DMD: variants seen among roughly 807,000 people sequenced by gnomAD.
DMD encodes the protein dystrophin.
Under a neutral mutation model 330.1 loss-of-function variants are expected in DMD, and 63 were observed. The ratio of observed to expected loss-of-function variants is 0.19; its 90% CI spans 0.16 to 0.24. DMD has a LOEUF of 0.24. Among genes scored for constraint, DMD ranks in the 10% least tolerant of loss-of-function variants. The probability of loss-of-function intolerance (pLI) is 1.00; values close to 1 mark genes in which losing one functional copy is unlikely to be tolerated. For missense variants in DMD, 3,344 were observed against 2,684.1 expected (o/e 1.25, Z -5.43); for synonymous variants, 1,223 against 959.8 (o/e 1.27, Z -5.07).
chrX:32,280,625 A>G (rs2097417311), intron 43 of DMD, among the ~76,000 whole-genome samples: 1 of 111,635 alleles, frequency 9.0e-6, no homozygotes. Context: ...TACATATGGC[A>G]TTGTGACAAA....
intron 9 of DMD, among the ~76,000 whole-genome samples, chrX:32,672,502 A>T (rs747112197): frequency 9.0e-6 from 1 of 111,009 alleles, no homozygotes; most frequent in African/African-American, 3.3e-5. Flanking sequence ...CATCCTTATG[A>T]AGGAATCTTG....
chrX:31,295,983 CT>C (rs150166970), intron 62 of DMD, among the ~76,000 whole-genome samples: 2,428 of 92,857 alleles, frequency 0.026, 95 homozygotes, highest in African/African-American at 0.087. Flanking sequence ...CAAAAAGTGA[CT>C]TTTTTTTTTT....
intron 1 of DMD, among the ~76,000 whole-genome samples, chrX:33,086,708 T>G (rs1448075970): frequency 9.1e-6 from 1 of 110,078 alleles, no homozygotes; most frequent in Non-Finnish European, 1.9e-5. Flanking sequence ...GATTTTAAAG[T>G]GTATGTTAAA....
At chrX:32,856,374 C>T (rs771602690) in intron 2 of DMD, among the ~76,000 whole-genome samples, 203 of 112,028 alleles carry the variant, frequency 1.8e-3, no homozygotes, top group Middle Eastern at 9.1e-3. Flanking sequence ...TTTATTGCAA[C>T]CCTATTCACA....
At chrX:32,899,933 C>T (rs1030377658) in intron 2 of DMD, among the ~76,000 whole-genome samples, 6 of 110,717 alleles carry the variant, frequency 5.4e-5, no homozygotes, top group Non-Finnish European at 7.6e-5. Context: ...TTTATGGTTC[C>T]GTCTTCCTTA....
chrX:31,928,370 C>A (rs1340984799), intron 47 of DMD, among the ~76,000 whole-genome samples: 1 of 111,217 alleles, frequency 9.0e-6, no homozygotes, highest in East Asian at 2.8e-4. Context: ...TTTGGGAGTC[C>A]AAGGTGGGCG....
At chrX:31,951,790 T>C (rs1782647307) in intron 45 of DMD, among the ~76,000 whole-genome samples, 1 of 111,730 alleles carries the variant, frequency 9.0e-6, no homozygotes, top group African/African-American at 3.2e-5. Context: ...TACATATTTA[T>C]CAGTTCTGTG....
At chrX:31,389,295 G>A (rs2060593227) in intron 60 of DMD, among the ~76,000 whole-genome samples, 1 of 112,054 alleles carries the variant, frequency 8.9e-6, no homozygotes, top group South Asian at 3.7e-4. Flanking sequence ...TAAATAACAG[G>A]AGGTGCCTTA....
intron 2 of DMD, among the ~76,000 whole-genome samples, chrX:32,977,316 G>A (rs73188361): frequency 0.081 from 8,958 of 110,357 alleles, 336 homozygotes; most frequent in East Asian, 0.21. Context: ...AAGAAAAAAA[G>A]AAATAATGTA....
At chrX:31,626,607 T>TA (rs1013889523) in intron 55 of DMD, among the ~76,000 whole-genome samples, 2 of 111,054 alleles carry the variant, frequency 1.8e-5, no homozygotes, top group African/African-American at 6.5e-5. Context: ...TCAGGAGCCA[T>TA]ACATTGCCAC....
chrX:32,326,533 G>A (rs189649598), intron 41 of DMD, among the ~76,000 whole-genome samples: 46 of 112,807 alleles, frequency 4.1e-4, no homozygotes, highest in Admixed American at 1.4e-3. Flanking sequence ...GTTAGCTGGT[G>A]GCAGTGGTAT....
At chrX:33,069,339 G>A (rs903541989) in intron 1 of DMD, among the ~76,000 whole-genome samples, 7 of 111,307 alleles carry the variant, frequency 6.3e-5, no homozygotes, top group Non-Finnish European at 1.1e-4. Context: ...GGCCTAAGAA[G>A]GAGACTGATT....
At chrX:31,990,639 T>A (rs2150312984) in intron 44 of DMD, among the ~76,000 whole-genome samples, 1 of 112,295 alleles carries the variant, frequency 8.9e-6, no homozygotes, top group Non-Finnish European at 1.9e-5. Flanking sequence ...TTAAAACAAA[T>A]AGTTCAATTA....
chrX:33,173,986 A>C, intron 1 of DMD, among the ~76,000 whole-genome samples: 1 of 106,115 alleles, frequency 9.4e-6, no homozygotes, highest in South Asian at 4.3e-4. Context: ...TTGTCAATAA[A>C]CATCAATACA....
In DMD at chrX:31,477,477, T is replaced by C. The variant is rs1219062036; in HGVS notation, c.8937+629A>G. Among the ~76,000 whole-genome samples, 4 of 111,869 alleles carry C rather than the reference T, an allele frequency of 3.6e-5. No homozygotes were observed. In the East Asian group the frequency reaches 1.1e-3, roughly 31 times the overall value. On this transcript the variant is annotated intron_variant, in intron 59 of 78. Transcript: ENST00000357033. Reference sequence around the variant, plus strand: ...CTGATTTCAAAATGATACTCCTAAATATGTATTTTTTTCTACAGAATATAT... The same window carrying C: ...CTGATTTCAAAATGATACTCCTAAACATGTATTTTTTTCTACAGAATATAT...
At chrX:31,295,196 C>T (rs991012746) in intron 62 of DMD, among the ~76,000 whole-genome samples, 2 of 109,669 alleles carry the variant, frequency 1.8e-5, no homozygotes, top group Non-Finnish European at 3.8e-5. Flanking sequence ...TGGGTTTCAC[C>T]GTGTTAGCCA....
intron 21 of DMD, among the ~76,000 whole-genome samples, chrX:32,475,095 C>T (rs2041089369): frequency 9.0e-6 from 1 of 111,195 alleles, no homozygotes; most frequent in African/African-American, 3.3e-5. Context: ...TATCCCAGCA[C>T]CATTTGATGA....
intron 17 of DMD, among the ~76,000 whole-genome samples, chrX:32,537,832 T>C (rs1169979311): frequency 8.9e-6 from 1 of 112,561 alleles, no homozygotes; most frequent in Non-Finnish European, 1.9e-5. Flanking sequence ...AATGTGATCC[T>C]GTCTTCTTTC....
At chrX:31,652,291 C>G in intron 54 of DMD, among the ~76,000 whole-genome samples, 1 of 111,596 alleles carries the variant, frequency 9.0e-6, no homozygotes, top group East Asian at 2.8e-4. Context: ...TCTCTCTCCA[C>G]TTGTTTTCCT....
Sources: allele counts gnomAD v4.1 joint callset (sites outside exome capture counted in the v4.1 genomes callset), GRCh38; gene constraint gnomAD v4.1.1; transcripts MANE v1.5; gene names NCBI Gene and HGNC (gene_info 2026-07-23, HGNC 2026-07-21).